TRDN: variants seen among roughly 807,000 people sequenced by gnomAD.
TRDN encodes triadin in skeletal muscle.
Under a neutral mutation model 149.7 loss-of-function variants are expected in TRDN, and 161 were observed. The ratio of observed to expected loss-of-function variants is 1.08; its 90% CI spans 0.95 to 1.23. The LOEUF (loss-of-function observed/expected upper bound fraction) is 1.23, where lower values mean the gene tolerates loss of function less well. Among genes scored for constraint, TRDN ranks in the 50% most tolerant of loss-of-function variants. The pLI, the probability that TRDN is intolerant of heterozygous loss-of-function variation, is 0.00. For synonymous variants in TRDN, 294 were observed against 250.5 expected (o/e 1.17, Z -1.64); for missense variants, 896 against 823.5 (o/e 1.09, Z -1.08).
At chr6:123,397,422 C>T (rs1414179295) in intron 12 of TRDN, among the ~76,000 whole-genome samples, 3 of 152,136 alleles carry the variant, frequency 2.0e-5, no homozygotes, top group African/African-American at 7.2e-5. Flanking sequence ...TTCCTACTAC[C>T]CTATAAATTC....
chr6:123,283,778 T>C (rs1282730724), intron 24 of TRDN, among the ~76,000 whole-genome samples: 1 of 149,646 alleles, frequency 6.7e-6, no homozygotes, highest in East Asian at 2.0e-4. Context: ...AACAGATCAA[T>C]AACAAGCAGC....
At chr6:123,362,839 AT>A (rs1249582727) in intron 20 of TRDN, among the ~76,000 whole-genome samples, 1 of 152,076 alleles carries the variant, frequency 6.6e-6, no homozygotes, top group East Asian at 1.9e-4. Context: ...AACATTTAAA[AT>A]TTTTCTCGAT....
intron 24 of TRDN, among the ~76,000 whole-genome samples, chr6:123,311,914 G>C (rs1347252579): frequency 6.6e-6 from 1 of 151,970 alleles, no homozygotes; most frequent in African/African-American, 2.4e-5. Context: ...GGTGGGAGGT[G>C]AAGGATTTCA....
chr6:123,301,772 T>TATATATATATAC (rs1562252307), intron 24 of TRDN, among the ~76,000 whole-genome samples: 39 of 124,766 alleles, frequency 3.1e-4, no homozygotes, highest in Non-Finnish European at 4.1e-4. Flanking sequence ...TATATATACA[T>TATATATATATAC]ATATATATAT....
intron 24 of TRDN, among the ~76,000 whole-genome samples, chr6:123,293,714 T>C (rs577019542): frequency 7.2e-5 from 11 of 152,286 alleles, no homozygotes; most frequent in African/African-American, 2.6e-4. Context: ...CATTTTTGTT[T>C]CTGGTCATGA....
chr6:123,272,849 G>T, intron 29 of TRDN, 115 bp downstream of exon 29: 2 of 792,000 alleles, frequency 2.5e-6, no homozygotes, highest in South Asian at 1.9e-5. Context: ...AGAAGCTTAT[G>T]ACTTAAGACA....
At chr6:123,312,191 A>T (rs1285734485) in intron 24 of TRDN, among the ~76,000 whole-genome samples, 1 of 152,012 alleles carries the variant, frequency 6.6e-6, no homozygotes, top group East Asian at 1.9e-4. Flanking sequence ...AAGGATTGGT[A>T]CTATCTAGAA....
At chr6:123,390,590 A>T (rs1267491387) in intron 13 of TRDN, among the ~76,000 whole-genome samples, 1 of 152,114 alleles carries the variant, frequency 6.6e-6, no homozygotes, top group East Asian at 1.9e-4. Flanking sequence ...CTGGAAAGCC[A>T]TGTTATCTAC....
chr6:123,558,899 C>G (rs937824787), intron 2 of TRDN, among the ~76,000 whole-genome samples: 1 of 152,270 alleles, frequency 6.6e-6, no homozygotes, highest in Admixed American at 6.5e-5. Context: ...ACCTCCTCCC[C>G]CAGGACCTTG....
chr6:123,371,307 T>A (rs578071999), intron 19 of TRDN, among the ~76,000 whole-genome samples: 53 of 152,294 alleles, frequency 3.5e-4, no homozygotes, highest in African/African-American at 1.1e-3. Context: ...AAATAATCTA[T>A]CCACACTCTG....
intron 12 of TRDN, among the ~76,000 whole-genome samples, chr6:123,394,128 TA>T (rs1772625370): frequency 6.6e-6 from 1 of 152,140 alleles, no homozygotes; most frequent in Non-Finnish European, 1.5e-5. Flanking sequence ...CCTTTGACTC[TA>T]AAATGCCCTT....
At chr6:123,353,064 G>A (rs1780527861) in intron 20 of TRDN, among the ~76,000 whole-genome samples, 1 of 151,730 alleles carries the variant, frequency 6.6e-6, no homozygotes, top group Admixed American at 6.6e-5. Context: ...AACCAAAAGG[G>A]GATTATTTGG....
chr6:123,245,587 T>A (rs1776144104), intron 38 of TRDN, among the ~76,000 whole-genome samples: 1 of 152,156 alleles, frequency 6.6e-6, no homozygotes, highest in South Asian at 2.1e-4. Flanking sequence ...CCCGGATTGA[T>A]AAAGCAAGTT....
chr6:123,262,694 C>T (rs1447392989), intron 33 of TRDN, among the ~76,000 whole-genome samples: 1 of 152,028 alleles, frequency 6.6e-6, no homozygotes, highest in African/African-American at 2.4e-5. Context: ...ATGGCGTTTG[C>T]TTCCTTCACA....
chr6:123,492,638 C>T (rs1318112648), intron 9 of TRDN, among the ~76,000 whole-genome samples: 1 of 151,932 alleles, frequency 6.6e-6, no homozygotes, highest in Non-Finnish European at 1.5e-5. Flanking sequence ...GAAAAATGTG[C>T]TAAGCCACAC....
chr6:123,276,587 T>C (rs547554043), intron 26 of TRDN, among the ~76,000 whole-genome samples: 1 of 152,206 alleles, frequency 6.6e-6, no homozygotes, highest in African/African-American at 2.4e-5. Context: ...GCCATGGAGA[T>C]AGAGCCAAGG....
At chr6:123,587,138 C>T (rs1439920159) in intron 1 of TRDN, among the ~76,000 whole-genome samples, 2 of 151,976 alleles carry the variant, frequency 1.3e-5, no homozygotes, top group Non-Finnish European at 2.9e-5. Flanking sequence ...GGTACTTGCC[C>T]CTTCCCCAGA....
At chr6:123,333,074 C>A (rs1779720024) in intron 22 of TRDN, among the ~76,000 whole-genome samples, 1 of 151,846 alleles carries the variant, frequency 6.6e-6, no homozygotes, top group Non-Finnish European at 1.5e-5. Context: ...AAGATGAAAT[C>A]AAGAGTCATG....
intron 1 of TRDN, among the ~76,000 whole-genome samples, chr6:123,625,728 C>A (rs1785629331): frequency 6.6e-6 from 1 of 152,090 alleles, no homozygotes; most frequent in Non-Finnish European, 1.5e-5. Flanking sequence ...ATATATACAC[C>A]TACTCTGAGC....
Sources: gnomAD v4.1 joint callset for allele counts (sites outside exome capture counted in the v4.1 genomes callset) on GRCh38, gnomAD v4.1.1 for gene constraint, MANE v1.5 for transcripts, NCBI Gene and HGNC (gene_info 2026-07-23, HGNC 2026-07-21) for gene names.